The following TMEM208 variants were observed in gnomAD, a reference collection of about 807,000 sequenced individuals.
TMEM208 encodes SRP-independent targeting 2 homolog.
TMEM208 carries 19 observed loss-of-function variants against 26.4 expected under a neutral mutation model. The ratio of observed to expected loss-of-function variants is 0.72; its 90% CI spans 0.50 to 1.06. The LOEUF (loss-of-function observed/expected upper bound fraction) is 1.06, where lower values mean the gene tolerates loss of function less well. Among genes scored for constraint, TMEM208 ranks in the 50% least tolerant of loss-of-function variants. TMEM208 has a pLI of 0.00. For synonymous variants in TMEM208, 93 were observed against 83.1 expected (o/e 1.12, Z -0.65); for missense variants, 183 against 219.8 (o/e 0.83, Z 1.06).
At chr16:67,227,382 GCAGGACCATAC>G (rs2034062367) in intron 1 of TMEM208, among the ~76,000 whole-genome samples, 158 bp downstream of exon 1, 1 of 152,220 alleles carries the variant, frequency 6.6e-6, no homozygotes, top group Non-Finnish European at 1.5e-5. Context: ...GGATGGCGGC[GCAGGACCATAC>G]CAGGACTAGT....
At chr16:67,227,764 T>G in intron 1 of TMEM208, 72 bp from the exon 2 acceptor site, 1 of 1,275,022 alleles carries the variant, frequency 7.8e-7, no homozygotes, top group Non-Finnish European at 1.1e-6. Flanking sequence ...TGGAGCTCTA[T>G]AGCTCACCAG....
chr16:67,228,489 C>T lies in TMEM208; in HGVS notation c.163-6C>T, dbSNP rs778206574. On this transcript the variant is annotated splice_region_variant and splice_polypyrimidine_tract_variant and intron_variant, in intron 3 of 5. Coordinates refer to ENST00000304800, the MANE Select transcript of TMEM208 (RefSeq NM_014187.4). Reference sequence around the variant, plus strand: ...GGCCTTTGATACCCTCATTCTTGCTCTGCAGTTGGCCCTGGGCTTTAGTCT... The same window carrying T: ...GGCCTTTGATACCCTCATTCTTGCTTTGCAGTTGGCCCTGGGCTTTAGTCT... 6 of 1,613,890 alleles carry T rather than the reference C, an allele frequency of 3.7e-6. No individual in the cohort carries two copies. Among genetic ancestry groups the T allele is most frequent in the Non-Finnish European group, 5.1e-6 (6 of 1,179,804 alleles).
At chr16:67,227,327 GCGGGGCGCCATCCCTGGCCAGAC>G (rs2142249281) in intron 1 of TMEM208, 103 bp downstream of exon 1, 2 of 1,501,310 alleles carry the variant, frequency 1.3e-6, no homozygotes, top group African/African-American at 2.8e-5. Context: ...GTGGGCCAGA[GCGGGGCGCCATCCCTGGCCAGAC>G]CGTGCTAGAG....
chr16:67,227,947 C>T lies in TMEM208; in HGVS notation c.102+16C>T, dbSNP rs1436839638. 4 of 1,589,738 alleles carry T rather than the reference C, an allele frequency of 2.5e-6. No homozygotes were observed. Among genetic ancestry groups the T allele is most frequent in the Non-Finnish European group, 3.4e-6 (4 of 1,165,868 alleles). ...GGGGGCCAATGTAAGTGCCTACCTC[C>T]TTGCTTCTATGCCCACTTATAGTCA... On this transcript the variant is annotated intron_variant, in intron 2 of 5. Transcript: ENST00000304800.
Position 67,228,559 on chromosome 16 carries a change from G to A in TMEM208, c.227G>A (p.Arg76Gln), listed in dbSNP as rs776135486. 5.0e-6 allele frequency: 8 copies of A among 1,609,592 alleles called. No homozygotes were observed. The highest frequency in any genetic ancestry group is 1.7e-5 in the Admixed American group (1 of 59,814). Residue 76 changes from arginine to glutamine, a missense_variant, in exon 4 of 6, where the codon CGA (arginine) becomes CAA (glutamine). Transcript: ENST00000304800. ...ASYHSMSSMARAAFSEDGALM... is the reference protein window; with the variant it reads ...ASYHSMSSMAQAAFSEDGALM... ...TACCACTCTATGAGCTCGATGGCAC[G>A]AGCAGCGTTCTCTGAGGATGGGGCC...
chr16:67,229,187 CA>C lies in TMEM208; in HGVS notation c.*76del. On this transcript the variant is annotated 3_prime_UTR_variant, in exon 6 of 6. Coordinates refer to ENST00000304800, the MANE Select transcript of TMEM208 (RefSeq NM_014187.4). ...GGTGCACAGCCCCTCATGCCTGGAG[CA>C]ATGAGGGTCTAGTCCAGGGGCCAAA... is the stretch of plus-strand genomic sequence containing the variant. The C allele has an allele frequency of 6.9e-7, 1 of 1,450,928 alleles. No homozygotes were observed. Among genetic ancestry groups the C allele is most frequent in the Non-Finnish European group, 9.3e-7 (1 of 1,075,938 alleles). The allele number at this position is 1,450,928 out of a possible 1,614,324, so 89.9% of individuals were successfully genotyped here.
intron 1 of TMEM208, chr16:67,227,607 G>A (rs2034070303): frequency 3.5e-6 from 2 of 575,896 alleles, no homozygotes; most frequent in Non-Finnish European, 6.1e-6. Flanking sequence ...GGATTGAATT[G>A]TTCCAGGGCG....
intron 2 of TMEM208, 82 bp downstream of exon 2, chr16:67,228,013 A>G: frequency 8.5e-7 from 1 of 1,170,708 alleles, no homozygotes; most frequent in Non-Finnish European, 1.2e-6. Context: ...GAGGAGTGGT[A>G]CCCGAAAAAG....
At position 67,227,912 on chromosome 16, in the gene TMEM208, G is replaced by A. The variant is rs759488911; in HGVS notation, c.83G>A (p.Arg28Gln). 1.7e-5 allele frequency: 28 copies of A among 1,609,812 alleles called. No individual in the cohort carries two copies. The Admixed American group carries it at 1.9e-4, about 11-fold the overall frequency. ...ENRETLKFYL[R>Q]IILGANAIYC... ...AGAGAGACTCTGAAGTTCTACCTGC[G>A]GATCATACTGGGGGCCAATGTAAGT... Residue 28 changes from arginine to glutamine, a missense_variant, in exon 2 of 6, where the codon CGG becomes CAG. By Grantham distance (43) the Arg-to-Gln change is conservative. Coordinates refer to ENST00000304800, the MANE Select transcript of TMEM208 (RefSeq NM_014187.4).
chr16:67,227,894 C>T lies in TMEM208; in HGVS notation c.65C>T (p.Thr22Ile). Residue 22 changes from threonine (T) to isoleucine (I), a missense_variant, in exon 2 of 6, where the codon ACT (threonine) becomes ATT (isoleucine). Physicochemically the swap from Thr to Ile is moderately conservative, Grantham distance 89. Coordinates refer to ENST00000304800, the MANE Select transcript of TMEM208 (RefSeq NM_014187.4). ...KKQIFEENRE[T>I]LKFYLRIILG... ...CAGATATTTGAAGAGAACAGAGAGA[C>T]TCTGAAGTTCTACCTGCGGATCATA... 2 of 1,611,660 alleles carry T rather than the reference C, an allele frequency of 1.2e-6. No homozygotes were observed. The highest frequency in any genetic ancestry group is 1.7e-6 in the Non-Finnish European group (2 of 1,178,850).
rs999296085 is a variant in TMEM208 at position 67,229,157 on chromosome 16, G to A, written c.*44G>A. The A allele has an allele frequency of 1.3e-6, 2 of 1,544,976 alleles. No homozygotes were observed. Reference sequence around the variant, plus strand: ...CAGGCCACTGGCCCTGGGTGGCTCTGTCAGGGTGCACAGCCCCTCATGCCT... The same window carrying A: ...CAGGCCACTGGCCCTGGGTGGCTCTATCAGGGTGCACAGCCCCTCATGCCT... On this transcript the variant is annotated 3_prime_UTR_variant, in exon 6 of 6. Transcript: ENST00000304800.
At chr16:67,228,448 C>G (rs1025486486) in intron 3 of TMEM208, 34 bp downstream of exon 3, 9 of 1,613,824 alleles carry the variant, frequency 5.6e-6, no homozygotes, top group Middle Eastern at 1.6e-4. Context: ...TGGATGAGTG[C>G]GTAGGGTCAG....
Position 67,227,138 on chromosome 16 carries a change from A to C in TMEM208, c.-81A>C. 3.1e-6 allele frequency: 5 copies of C among 1,593,618 alleles called. No individual in the cohort carries two copies. The highest frequency in any genetic ancestry group is 2.2e-5 in the South Asian group (2 of 89,654). On this transcript the variant is annotated 5_prime_UTR_variant, in exon 1 of 6. The change abolishes an upstream ATG in the 5' untranslated region. Transcript: ENST00000304800. ...CGACTTCGGTCTGCGCCGGAAGTGC[A>C]TGAGCTGCCGATGTGGTGCTTAGTG...
In TMEM208 at chr16:67,229,187, C is replaced by T. The variant is rs555830965; in HGVS notation, c.*74C>T. The stretch of plus-strand genomic sequence containing the variant: ...GGTGCACAGCCCCTCATGCCTGGAG[C>T]AATGAGGGTCTAGTCCAGGGGCCAA... On this transcript the variant is annotated 3_prime_UTR_variant, in exon 6 of 6. Coordinates refer to ENST00000304800, the MANE Select transcript of TMEM208 (RefSeq NM_014187.4). 1 of 1,450,928 alleles carries T rather than the reference C, an allele frequency of 6.9e-7. No homozygotes were observed. The highest frequency in any genetic ancestry group is 1.4e-5 in the African/African-American group (1 of 70,446). The allele number at this position is 1,450,928 out of a possible 1,614,324, so 89.9% of individuals were successfully genotyped here. A position where few individuals can be genotyped will look rare whatever the true frequency, so the allele number is the denominator to read the frequency against.
chr16:67,227,834 A>T lies in TMEM208; in HGVS notation c.7-2A>T. On this transcript the variant is annotated splice_acceptor_variant, in intron 1 of 5. Coordinates refer to ENST00000304800, the MANE Select transcript of TMEM208 (RefSeq NM_014187.4). LOFTEE classifies it high-confidence loss of function. ...TGACGGCATCTCATCATTCCTCTGC[A>T]GCCCAAGGGCAAAGTGGGCACGAGA... 1 of 1,604,522 alleles carries T rather than the reference A, an allele frequency of 6.2e-7. No homozygotes were observed. Among genetic ancestry groups the T allele is most frequent in the Non-Finnish European group, 8.5e-7 (1 of 1,175,276 alleles).
Position 67,227,184 on chromosome 16 carries a change from C to T in TMEM208, c.-35C>T, listed in dbSNP as rs374986182. On this transcript the variant is annotated 5_prime_UTR_variant, in exon 1 of 6. Transcript: ENST00000304800. ...TAGTGATTGCGGTTTCGGTCGCTCT[C>T]CCGTGTTTCCCGGGCTGGGTATTTG... is the stretch of plus-strand genomic sequence containing the variant. 175 of 1,610,772 alleles carry T rather than the reference C, an allele frequency of 1.1e-4. No individual in the cohort carries two copies. Among genetic ancestry groups the T allele is most frequent in the Non-Finnish European group, 1.4e-4 (164 of 1,177,990 alleles).
In TMEM208 at chr16:67,227,203, G is replaced by A. The variant is rs771065800; in HGVS notation, c.-16G>A. On this transcript the variant is annotated 5_prime_UTR_variant, in exon 1 of 6. Coordinates refer to ENST00000304800, the MANE Select transcript of TMEM208 (RefSeq NM_014187.4). ...CGCTCTCCCGTGTTTCCCGGGCTGG[G>A]TATTTGCCTCGCACCATGGCGGTAA... The A allele has an allele frequency of 1.1e-5, 18 of 1,611,942 alleles. No homozygotes were observed. The South Asian group carries it at 1.8e-4, about 16-fold the overall frequency.
At chr16:67,228,183 G>A (rs1281569639) in intron 2 of TMEM208, 172 bp from the exon 3 acceptor site, 18 of 738,916 alleles carry the variant, frequency 2.4e-5, no homozygotes, top group Non-Finnish European at 4.1e-5. Context: ...GGCTGAGTTG[G>A]GTGTCAGAGG....
chr16:67,228,324 G>C, intron 2 of TMEM208, 31 bp from the exon 3 acceptor site: 4 of 1,613,608 alleles, frequency 2.5e-6, no homozygotes, highest in Admixed American at 1.7e-5. Flanking sequence ...GGTAACTTCT[G>C]ACCCCAACCT....
Sources: allele counts gnomAD v4.1 joint callset (sites outside exome capture counted in the v4.1 genomes callset), GRCh38; gene constraint gnomAD v4.1.1; transcripts MANE v1.5; gene names NCBI Gene and HGNC (gene_info 2026-07-23, HGNC 2026-07-21).